The following CD28 variants were observed in gnomAD, a reference collection of about 807,000 sequenced individuals.
The protein encoded by CD28 is CD28 molecule.
A neutral mutation model predicts 21.4 loss-of-function variants in CD28; 8 were observed. The ratio of observed to expected loss-of-function variants is 0.37; its 90% CI spans 0.22 to 0.68. The LOEUF is 0.68. Among genes scored for constraint, CD28 ranks in the 30% least tolerant of loss-of-function variants. The pLI, the probability that CD28 is intolerant of heterozygous loss-of-function variation, is 0.55. For missense variants in CD28, 239 were observed against 272.2 expected, an observed-to-expected ratio of 0.88 and a Z score of 0.86; for synonymous variants, 106 against 104.0, an observed-to-expected ratio of 1.02 and a Z score of -0.12.
Position 203,738,531 on chromosome 2 carries a change from A to G in CD28, c.*3619A>G, listed in dbSNP as rs1694104767. On this transcript the variant is annotated 3_prime_UTR_variant, in exon 4 of 4. Transcript: ENST00000324106. ...GAGGCTCAGAAAGTCTCTCTTTCCT[A>G]TAGATATATGCATACTTTCTGACAT... 6.6e-6 allele frequency: 1 copy of G among 152,182 alleles called. No individual in the cohort carries two copies. The highest frequency in any genetic ancestry group is 2.4e-5 in the African/African-American group (1 of 41,422). 9.4% of individuals were successfully genotyped at this position (152,182 alleles called of 1,614,324 possible).
At chr2:203,730,500 T>C (rs1468557225) in intron 3 of CD28, among the ~76,000 whole-genome samples, 1 of 152,234 alleles carries the variant, frequency 6.6e-6, no homozygotes, top group African/African-American at 2.4e-5. Context: ...TGAGTGACCC[T>C]TGTTCTTACT....
chr2:203,712,199 A>G (rs1342197826), intron 1 of CD28, among the ~76,000 whole-genome samples: 2 of 78,478 alleles, frequency 2.5e-5, no homozygotes, highest in African/African-American at 8.6e-5. Flanking sequence ...CTCAACAACA[A>G]CAAAAAAAAG....
chr2:203,729,628 C>T lies in CD28; in HGVS notation c.410-20C>T. ...ATTGCTATTCCTGTATCATTTAATC[C>T]ACTCTATTTTGTTTTTCAGGGAAAC... On this transcript the variant is annotated intron_variant, in intron 2 of 3. Coordinates refer to ENST00000324106, the MANE Select transcript of CD28 (RefSeq NM_006139.4). The T allele has an allele frequency of 6.2e-7, 1 of 1,608,428 alleles. No homozygotes were observed. The highest frequency in any genetic ancestry group is 8.5e-7 in the Non-Finnish European group (1 of 1,177,594).
At position 203,735,018 on chromosome 2, in the gene CD28, C is replaced by T; in HGVS notation, c.*106C>T. 7.1e-7 allele frequency: 1 copy of T among 1,406,834 alleles called. No individual in the cohort carries two copies. The highest frequency in any genetic ancestry group is 9.6e-7 in the Non-Finnish European group (1 of 1,038,604). 87.1% of individuals were successfully genotyped at this position (1,406,834 alleles called of 1,614,324 possible). On this transcript the variant is annotated 3_prime_UTR_variant, in exon 4 of 4. Coordinates refer to ENST00000324106, the MANE Select transcript of CD28 (RefSeq NM_006139.4). ...ATCTCCAGCCGGCCACCTCAGGCCC[C>T]TGTTGGGCCACCAATGCCAATTTTT...
chr2:203,725,062 G>A (rs1048315161), intron 1 of CD28, among the ~76,000 whole-genome samples: 1 of 152,014 alleles, frequency 6.6e-6, no homozygotes, highest in Non-Finnish European at 1.5e-5. Context: ...AGGCCGAGGC[G>A]GTGGATCACC....
intron 1 of CD28, among the ~76,000 whole-genome samples, chr2:203,713,852 G>GGAGAGAGAGAGAGAGAGAGAGAGGGA: frequency 7.1e-6 from 1 of 141,774 alleles, no homozygotes; most frequent in Non-Finnish European, 1.5e-5. Flanking sequence ...AGAGAGAGAG[G>GGAGAGAGAGAGAGAGAGAGAGAGGGA]GAGAGAGAGA....
intron 2 of CD28, among the ~76,000 whole-genome samples, chr2:203,727,544 A>G (rs1006168784): frequency 6.7e-6 from 1 of 148,298 alleles, no homozygotes; most frequent in Non-Finnish European, 1.5e-5. Context: ...CAGTGGCGGG[A>G]TCTCAGTTCA....
chr2:203,725,425 C>T (rs566437466), intron 1 of CD28, among the ~76,000 whole-genome samples: 1 of 151,678 alleles, frequency 6.6e-6, no homozygotes, highest in Non-Finnish European at 1.5e-5. Flanking sequence ...CTTTGCTCAC[C>T]ATTTGTTTGG....
chr2:203,729,335 C>G (rs3181109), intron 2 of CD28, among the ~76,000 whole-genome samples: 139,491 of 152,142 alleles, frequency 0.92, 64,016 homozygotes, highest in East Asian at 0.99. Flanking sequence ...ATGGGAGAAA[C>G]GGATAAAGTT....
At position 203,735,167 on chromosome 2, in the gene CD28, T is replaced by A. The variant is rs1693999422; in HGVS notation, c.*255T>A. 2.2e-6 allele frequency: 1 copy of A among 464,380 alleles called. No homozygotes were observed. Among genetic ancestry groups the A allele is most frequent in the Non-Finnish European group, 3.8e-6 (1 of 263,720 alleles). The allele number at this position is 464,380 out of a possible 1,614,324, so 28.8% of individuals were successfully genotyped here. A position where few individuals can be genotyped will look rare whatever the true frequency, so the allele number is the denominator to read the frequency against. On this transcript the variant is annotated 3_prime_UTR_variant, in exon 4 of 4. Transcript: ENST00000324106. Reference sequence around the variant, plus strand: ...ACATTCCAACTTACCATGTACTTAGTGACTTGACTGAGAAGTTAGGGTAGA... The same window carrying A: ...ACATTCCAACTTACCATGTACTTAGAGACTTGACTGAGAAGTTAGGGTAGA...
intron 2 of CD28, among the ~76,000 whole-genome samples, chr2:203,727,783 C>A (rs1052098434): frequency 6.6e-6 from 1 of 152,096 alleles, no homozygotes; most frequent in Admixed American, 6.5e-5. Flanking sequence ...AGGTTCATGC[C>A]ATTCTCCTGC....
chr2:203,708,403 A>C (rs1184790822), intron 1 of CD28, among the ~76,000 whole-genome samples: 1 of 152,240 alleles, frequency 6.6e-6, no homozygotes, highest in Non-Finnish European at 1.5e-5. Context: ...AAACTTAAAG[A>C]ATATTTAAAA....
At chr2:203,719,371 T>G (rs948872365) in intron 1 of CD28, among the ~76,000 whole-genome samples, 1 of 152,136 alleles carries the variant, frequency 6.6e-6, no homozygotes, top group African/African-American at 2.4e-5. Context: ...GAAAATGAAA[T>G]GTATTTTGTT....
At chr2:203,712,197 C>CA (rs1442567377) in intron 1 of CD28, among the ~76,000 whole-genome samples, 16 of 82,354 alleles carry the variant, frequency 1.9e-4, no homozygotes, top group Admixed American at 3.4e-4. Flanking sequence ...GTCTCAACAA[C>CA]AACAAAAAAA....
chr2:203,719,903 G>A (rs1023526486), intron 1 of CD28, among the ~76,000 whole-genome samples: 1 of 152,102 alleles, frequency 6.6e-6, no homozygotes, highest in African/African-American at 2.4e-5. Flanking sequence ...ACACCTTAGA[G>A]GTGGTTACCA....
At chr2:203,712,673 A>C (rs1326757448) in intron 1 of CD28, among the ~76,000 whole-genome samples, 7 of 152,268 alleles carry the variant, frequency 4.6e-5, no homozygotes, top group African/African-American at 1.7e-4. Context: ...TGAAGAAAGA[A>C]ATGAATGAAT....
chr2:203,722,013 C>A (rs1192003290), intron 1 of CD28, among the ~76,000 whole-genome samples: 1 of 152,140 alleles, frequency 6.6e-6, no homozygotes, highest in East Asian at 1.9e-4. Flanking sequence ...TCTGGGGTTT[C>A]TCTCCAGCCC....
intron 1 of CD28, among the ~76,000 whole-genome samples, chr2:203,724,445 TC>T (rs1347399732): frequency 2.6e-5 from 4 of 152,092 alleles, no homozygotes; most frequent in Non-Finnish European, 5.9e-5. Flanking sequence ...TATCAATCCT[TC>T]CCCCCAGCCT....
intron 1 of CD28, among the ~76,000 whole-genome samples, chr2:203,707,397 C>G (rs1693188651): frequency 6.6e-6 from 1 of 152,042 alleles, no homozygotes; most frequent in Non-Finnish European, 1.5e-5. Flanking sequence ...ATGAAATAAT[C>G]CATGCGAAGG....
Sources: allele counts gnomAD v4.1 joint callset (sites outside exome capture counted in the v4.1 genomes callset), GRCh38; gene constraint gnomAD v4.1.1; transcripts MANE v1.5; gene names NCBI Gene and HGNC (gene_info 2026-07-23, HGNC 2026-07-21).